The following NRG1 variants were observed in gnomAD, a reference collection of about 807,000 sequenced individuals.
NRG1 encodes the protein pro-neuregulin-1, membrane-bound isoform.
Under a neutral mutation model 63.8 loss-of-function variants are expected in NRG1, and 18 were observed. The ratio of observed to expected loss-of-function variants is 0.28; its 90% CI spans 0.19 to 0.42. The LOEUF is 0.42. Among genes scored for constraint, NRG1 ranks in the 10% least tolerant of loss-of-function variants. The probability of loss-of-function intolerance (pLI) is 1.00; values close to 1 mark genes in which losing one functional copy is unlikely to be tolerated. For missense variants in NRG1, 762 were observed against 814.7 expected, an observed-to-expected ratio of 0.94 and a Z score of 0.79; for synonymous variants, 302 against 301.3, an observed-to-expected ratio of 1.00 and a Z score of -0.02.
At chr8:32,586,073 A>G (rs999295543) in intron 1 of NRG1, among the ~76,000 whole-genome samples, 2 of 151,932 alleles carry the variant, frequency 1.3e-5, no homozygotes, top group African/African-American at 4.8e-5. Context: ...GTTAATGAGC[A>G]TAAAGCTCTT....
chr8:32,459,503 G>A (rs1357369682), intron 1 of NRG1, among the ~76,000 whole-genome samples: 4 of 151,676 alleles, frequency 2.6e-5, no homozygotes, highest in South Asian at 2.1e-4. Flanking sequence ...AAGTGTGGTG[G>A]CTCCCACTAG....
chr8:31,686,979 G>C (rs781411444), intron 1 of NRG1, among the ~76,000 whole-genome samples: 14 of 152,144 alleles, frequency 9.2e-5, no homozygotes, highest in Non-Finnish European at 1.6e-4. Context: ...ATGTTGGCCA[G>C]ACTGGTCTCT....
chr8:31,956,862 A>G (rs1237952961), intron 1 of NRG1, among the ~76,000 whole-genome samples: 1 of 152,214 alleles, frequency 6.6e-6, no homozygotes, highest in Admixed American at 6.5e-5. Context: ...ATAATCTGAC[A>G]TTCAAAACCC....
chr8:32,707,607 A>T (rs572392202), intron 5 of NRG1, among the ~76,000 whole-genome samples: 14 of 152,200 alleles, frequency 9.2e-5, no homozygotes, highest in African/African-American at 3.4e-4. Flanking sequence ...TCAACTTGGA[A>T]TTTCCCATTA....
intron 1 of NRG1, among the ~76,000 whole-genome samples, chr8:32,169,221 T>C (rs1194993187): frequency 2.6e-5 from 4 of 152,226 alleles, no homozygotes. Context: ...GGCCAACTGA[T>C]GTGTTACTTC....
intron 1 of NRG1, among the ~76,000 whole-genome samples, chr8:32,551,908 A>G (rs577821725): frequency 4.5e-4 from 53 of 116,840 alleles, no homozygotes; most frequent in African/African-American, 1.7e-3. Context: ...ACAAAACCAG[A>G]GCTTTTTTTT....
At chr8:32,477,958 A>G (rs977619154) in intron 1 of NRG1, among the ~76,000 whole-genome samples, 2 of 152,222 alleles carry the variant, frequency 1.3e-5, no homozygotes, top group Non-Finnish European at 2.9e-5. Flanking sequence ...TATCTTCACC[A>G]ATGCCACAGT....
At chr8:32,605,384 T>A (rs1845094064) in intron 2 of NRG1, among the ~76,000 whole-genome samples, 178 bp from the exon 3 acceptor site, 1 of 152,200 alleles carries the variant, frequency 6.6e-6, no homozygotes, top group Non-Finnish European at 1.5e-5. Context: ...GTGATGCATC[T>A]TACTTTTACT....
downstream of NRG1, among the ~76,000 whole-genome samples, chr8:32,771,152 C>G (rs1041796649): frequency 1.3e-5 from 2 of 151,930 alleles, no homozygotes; most frequent in African/African-American, 2.4e-5. Context: ...GATCTGTCAC[C>G]CAGACTGGAG....
chr8:31,652,062 C>T (rs947597499), intron 1 of NRG1, among the ~76,000 whole-genome samples: 1 of 152,164 alleles, frequency 6.6e-6, no homozygotes, highest in Non-Finnish European at 1.5e-5. Context: ...GTATGATCAC[C>T]ACAGTTATTC....
At chr8:32,408,842 G>A (rs543315952) in intron 1 of NRG1, among the ~76,000 whole-genome samples, 1 of 151,996 alleles carries the variant, frequency 6.6e-6, no homozygotes. Context: ...CACTCAAATA[G>A]TGTACCTTGT....
At chr8:32,764,656 G>A in exon 12 of NRG1, 1 of 298,444 alleles carries the variant, frequency 3.4e-6, no homozygotes, top group Non-Finnish European at 6.1e-6. Context: ...GTTTTGTACA[G>A]TTACAGTGAT....
chr8:32,623,064 C>G (rs781175812), intron 5 of NRG1, among the ~76,000 whole-genome samples: 2 of 152,170 alleles, frequency 1.3e-5, no homozygotes, highest in Non-Finnish European at 2.9e-5. Flanking sequence ...AGGAAGTCTT[C>G]TATGAAATCT....
At chr8:31,690,743 A>G (rs901510760) in intron 1 of NRG1, among the ~76,000 whole-genome samples, 3 of 152,216 alleles carry the variant, frequency 2.0e-5, no homozygotes, top group Non-Finnish European at 4.4e-5. Flanking sequence ...TTCAAGGCTT[A>G]TAGTTTCTCT....
At chr8:32,520,843 G>A (rs1020602455) in intron 1 of NRG1, among the ~76,000 whole-genome samples, 1 of 152,008 alleles carries the variant, frequency 6.6e-6, no homozygotes, top group Non-Finnish European at 1.5e-5. Flanking sequence ...TGTCCCTCTG[G>A]GGACATGAAT....
At chr8:32,088,261 C>T (rs76609550) in intron 1 of NRG1, among the ~76,000 whole-genome samples, 3,206 of 152,270 alleles carry the variant, frequency 0.021, 41 homozygotes, top group South Asian at 0.04. Flanking sequence ...TCATTCTCCA[C>T]GGGACCTTGC....
intron 1 of NRG1, among the ~76,000 whole-genome samples, chr8:32,270,126 T>C (rs1242167748): frequency 6.6e-6 from 1 of 152,190 alleles, no homozygotes; most frequent in Non-Finnish European, 1.5e-5. Flanking sequence ...TAATATGCTG[T>C]GAAGGCATCA....
intron 1 of NRG1, among the ~76,000 whole-genome samples, chr8:32,146,008 C>T (rs1309005052): frequency 6.6e-6 from 1 of 152,146 alleles, no homozygotes; most frequent in Non-Finnish European, 1.5e-5. Context: ...AGAGCAGGGG[C>T]AGCTAGAGTC....
At chr8:31,693,043 C>T (rs1029800733) in intron 1 of NRG1, among the ~76,000 whole-genome samples, 1 of 152,104 alleles carries the variant, frequency 6.6e-6, no homozygotes, top group Non-Finnish European at 1.5e-5. Context: ...TGGGTGCTGA[C>T]CTTCAGAAAG....
Sources: gnomAD v4.1 joint callset for allele counts (sites outside exome capture counted in the v4.1 genomes callset) on GRCh38, gnomAD v4.1.1 for gene constraint, MANE v1.5 for transcripts, NCBI Gene and HGNC (gene_info 2026-07-23, HGNC 2026-07-21) for gene names.